ANHX: variants seen among roughly 807,000 people sequenced by gnomAD.
ANHX encodes anomalous homeobox protein.
A neutral mutation model predicts 38.9 loss-of-function variants in ANHX; 20 were observed. That is an observed-to-expected ratio of 0.51 (90% CI 0.36 to 0.75). The LOEUF (loss-of-function observed/expected upper bound fraction) is 0.75, where lower values mean the gene tolerates loss of function less well. ANHX is among the 30% of genes least tolerant of loss of function. ANHX has a pLI of 0.00. For missense variants in ANHX, 475 were observed against 493.1 expected (o/e 0.96, Z 0.35); for synonymous variants, 185 against 203.1 (o/e 0.91, Z 0.76).
At chr12:133,224,781 G>A (rs142670699) in intron 7 of ANHX, among the ~76,000 whole-genome samples, 3 of 150,622 alleles carry the variant, frequency 2.0e-5, no homozygotes, top group African/African-American at 4.9e-5. Context: ...CTGGCTAACA[G>A]GGTGAAACCC....
chr12:133,219,380 C>G lies in ANHX; in HGVS notation c.1281-13G>C, dbSNP rs1300882428. The G allele has an allele frequency of 2.0e-6, 3 of 1,509,540 alleles. No homozygotes were observed. The highest frequency in any genetic ancestry group is 2.6e-6 in the Non-Finnish European group (3 of 1,132,848). The allele number at this position is 1,509,540 out of a possible 1,614,324, so 93.5% of individuals were successfully genotyped here. ...CAGCTCTGGAGGGCTGGAAAAGAGA[C>G]AGTGTAAGAATAGGCCCTATCTCAA... On this transcript the variant is annotated splice_polypyrimidine_tract_variant and intron_variant, in intron 8 of 9. Coordinates refer to ENST00000545940, the MANE Select transcript of ANHX (RefSeq NM_001372060.1).
chr12:133,222,403 G>A (rs1306128014), intron 7 of ANHX, among the ~76,000 whole-genome samples: 3 of 152,088 alleles, frequency 2.0e-5, no homozygotes, highest in African/African-American at 7.2e-5. Context: ...GAGCATCCGG[G>A]TACCCAGGCA....
rs1957104870 is a variant in ANHX at position 133,221,266 on chromosome 12, C to T, written c.1219G>A (p.Val407Met). 4 of 1,535,942 alleles carry T rather than the reference C, an allele frequency of 2.6e-6. No individual in the cohort carries two copies. Among genetic ancestry groups the T allele is most frequent in the African/African-American group, 1.4e-5 (1 of 73,014 alleles). Reference sequence around the variant, plus strand: ...GGCTGTGTCACCAGGAAGCTGCCCACCCGTAGCTCTGTCCGTCCACTGCTT... The same window carrying T: ...GGCTGTGTCACCAGGAAGCTGCCCATCCGTAGCTCTGTCCGTCCACTGCTT... Reference protein sequence around the residue: ...GTSSGRTELRVGSFLVTQPPL... With the variant: ...GTSSGRTELRMGSFLVTQPPL... Residue 407 changes from valine to methionine, a missense_variant, in exon 8 of 10, where the codon GTG becomes ATG. Coordinates refer to ENST00000545940, the MANE Select transcript of ANHX (RefSeq NM_001372060.1). The surrounding 1 kb of genome is among the most constrained non-coding windows in gnomAD (Gnocchi z 4.1).
intron 7 of ANHX, among the ~76,000 whole-genome samples, chr12:133,225,170 G>T (rs1322297518): frequency 6.6e-6 from 1 of 152,130 alleles, no homozygotes; most frequent in East Asian, 1.9e-4. Flanking sequence ...TACAGGCTAA[G>T]GGGGGTGGAC....
chr12:133,228,496 A>C (rs1011595692), intron 3 of ANHX, among the ~76,000 whole-genome samples: 2 of 151,926 alleles, frequency 1.3e-5, no homozygotes, highest in African/African-American at 4.8e-5. Flanking sequence ...CACCCCTGCC[A>C]CCCTGCATGG....
chr12:133,231,511 G>C lies in ANHX; in HGVS notation c.377+6C>G, dbSNP rs1325709947. ...AAATATGCACAAGTAAATGCTTGTA[G>C]GTTACCTCTTCCTGCAGCGGAACTT... On this transcript the variant is annotated splice_donor_region_variant and intron_variant, in intron 3 of 9. Transcript: ENST00000545940. 3 of 1,535,996 alleles carry C rather than the reference G, an allele frequency of 2.0e-6. No homozygotes were observed. Among genetic ancestry groups the C allele is most frequent in the African/African-American group, 2.7e-5 (2 of 73,054 alleles).
chr12:133,234,677 A>C, intron 1 of ANHX: 1 of 346,308 alleles, frequency 2.9e-6, no homozygotes, highest in East Asian at 6.2e-5. Context: ...TAGGGTAGGG[A>C]CCTTGTGTGC....
intron 9 of ANHX, 56 bp from the exon 10 acceptor site, chr12:133,219,027 C>T: frequency 2.1e-6 from 3 of 1,454,564 alleles, no homozygotes; most frequent in South Asian, 2.5e-5. Context: ...TCAAGACCTG[C>T]CCTCCCACCT....
intron 1 of ANHX, chr12:133,234,872 A>C (rs1349458946): frequency 6.4e-6 from 1 of 157,052 alleles, no homozygotes; most frequent in African/African-American, 2.4e-5. Context: ...GCCTCACCTA[A>C]GGACATTCAG....
rs1243686144 is a variant in ANHX, at chr12:133,226,417, G to A, written c.740C>T (p.Pro247Leu). The A allele has an allele frequency of 6.5e-7, 1 of 1,535,368 alleles. No homozygotes were observed. Among genetic ancestry groups the A allele is most frequent in the Non-Finnish European group, 8.7e-7 (1 of 1,146,404 alleles). Residue 247 changes from proline to leucine, a missense_variant, in exon 6 of 10, where the codon CCT (proline) becomes CTT (leucine). Coordinates refer to ENST00000545940, the MANE Select transcript of ANHX (RefSeq NM_001372060.1). ...TTGGGTGGTCTGTGGGGACTGTGGA[G>A]GCCCCTTTTCCTCACGTTCCTCTGA... ...QWSEEREEKG[P>L]PQSPQTTQGP... is the part of the protein sequence containing the mutation.
rs2135544660 is a variant in ANHX at position 133,218,821 on chromosome 12, T to C, written c.*64A>G. 1 of 1,256,570 alleles carries C rather than the reference T, an allele frequency of 8.0e-7. No homozygotes were observed. Among genetic ancestry groups the C allele is most frequent in the East Asian group, 2.6e-5 (1 of 37,890 alleles). The allele number at this position is 1,256,570 out of a possible 1,614,324, so 77.8% of individuals were successfully genotyped here. A position where few individuals can be genotyped will look rare whatever the true frequency, so the allele number is the denominator to read the frequency against. ...CAGGATAAAGCTCTGTAACTCCTTGTGTTGACCAGGCAGACCATCCACACC... is the reference window on the plus strand; with the variant it reads ...CAGGATAAAGCTCTGTAACTCCTTGCGTTGACCAGGCAGACCATCCACACC... On this transcript the variant is annotated 3_prime_UTR_variant, in exon 10 of 10. Coordinates refer to ENST00000545940, the MANE Select transcript of ANHX (RefSeq NM_001372060.1).
At position 133,221,443 on chromosome 12, in the gene ANHX, A is replaced by G. The variant is rs1957107245; in HGVS notation, c.1133-91T>C. The G allele has an allele frequency of 7.1e-7, 1 of 1,403,172 alleles. No individual in the cohort carries two copies. The highest frequency in any genetic ancestry group is 2.5e-5 in the Admixed American group (1 of 40,814). The allele number at this position is 1,403,172 out of a possible 1,614,324, so 86.9% of individuals were successfully genotyped here. On this transcript the variant is annotated intron_variant, in intron 7 of 9. Transcript: ENST00000545940. The surrounding 1 kb of genome is among the most constrained non-coding windows in gnomAD (Gnocchi z 4.1). ...CCAAGACCTCAAAGCACGGAGGCGGATGCAGCCTCCGGCCCAGCCAGCCCG... is the reference window on the plus strand; with the variant it reads ...CCAAGACCTCAAAGCACGGAGGCGGGTGCAGCCTCCGGCCCAGCCAGCCCG...
At chr12:133,226,211 G>A in intron 6 of ANHX, 107 bp downstream of exon 6, 1 of 1,506,054 alleles carries the variant, frequency 6.6e-7, no homozygotes, top group South Asian at 1.2e-5. Context: ...TGATCCCAGT[G>A]TGGGGGTCCT....
At chr12:133,227,795 C>T in intron 4 of ANHX, 29 bp downstream of exon 4, 3 of 1,534,740 alleles carry the variant, frequency 2.0e-6, no homozygotes, top group Non-Finnish European at 2.6e-6. Flanking sequence ...GCAGGGACCC[C>T]CTGGGTCCTG....
Position 133,222,578 on chromosome 12 carries a change from G to GT in ANHX, c.1133-1227dup, listed in dbSNP as rs563483579. 1.9e-3 allele frequency among the ~76,000 whole-genome samples: 283 copies of GT among 152,272 alleles called. 2 individuals carry two copies. The highest frequency in any genetic ancestry group is 6.6e-3 in the African/African-American group (274 of 41,556). On this transcript the variant is annotated intron_variant, in intron 7 of 9. Coordinates refer to ENST00000545940, the MANE Select transcript of ANHX (RefSeq NM_001372060.1). The stretch of plus-strand genomic sequence containing the variant: ...GACCGTCCCCACGCCAGCCTCGTCA[G>GT]TAAGTACAGACAGGCAAATGTGAGT...
At chr12:133,220,227 C>A (rs542988449) in intron 8 of ANHX, among the ~76,000 whole-genome samples, 1 of 152,170 alleles carries the variant, frequency 6.6e-6, no homozygotes, top group Admixed American at 6.5e-5. Flanking sequence ...CTCAATGAAG[C>A]CACTTTTAAC....
At chr12:133,228,895 C>T (rs1480123746) in intron 3 of ANHX, among the ~76,000 whole-genome samples, 1 of 152,218 alleles carries the variant, frequency 6.6e-6, no homozygotes, top group African/African-American at 2.4e-5. Flanking sequence ...GGATCACTGC[C>T]ACTGTCTCCT....
chr12:133,222,680 G>A (rs535562602), intron 7 of ANHX, among the ~76,000 whole-genome samples: 5 of 152,300 alleles, frequency 3.3e-5, no homozygotes, highest in East Asian at 3.9e-4. Flanking sequence ...CTCCTGAGGC[G>A]CGAGCCCTAA....
chr12:133,226,178 T>G, intron 6 of ANHX, 140 bp downstream of exon 6: 1 of 1,370,690 alleles, frequency 7.3e-7, no homozygotes, highest in Non-Finnish European at 9.9e-7. Flanking sequence ...TGCTGGTGGC[T>G]TCCCTCTCCC....
Sources: allele counts gnomAD v4.1 joint callset (sites outside exome capture counted in the v4.1 genomes callset), GRCh38; gene constraint gnomAD v4.1.1; non-coding constraint Gnocchi (gnomAD v3.1); transcripts MANE v1.5; gene names NCBI Gene and HGNC (gene_info 2026-07-23, HGNC 2026-07-21).